CDH12: variants seen among roughly 807,000 people sequenced by gnomAD.
CDH12 encodes the protein cadherin 12, also known as cadherin-12.
A neutral mutation model predicts 74.1 loss-of-function variants in CDH12; 41 were observed. The observed-to-expected ratio is 0.55, with a 90% CI of 0.43 to 0.72. CDH12 has a LOEUF of 0.72. CDH12 is among the 30% of genes least tolerant of loss of function. The pLI is 0.00. For missense variants in CDH12, 945 were observed against 977.2 expected, an observed-to-expected ratio of 0.97 and a Z score of 0.44; for synonymous variants, 399 against 355.0, an observed-to-expected ratio of 1.12 and a Z score of -1.39.
At chr5:21,778,466 CAAAA>C (rs70957061) in intron 11 of CDH12, among the ~76,000 whole-genome samples, 1 of 52,614 alleles carries the variant, frequency 1.9e-5, no homozygotes, top group African/African-American at 8.6e-5. Flanking sequence ...GCATATAAGC[CAAAA>C]AAAAAAAAAA....
At chr5:22,435,486 A>ATG (rs1236143163) in intron 2 of CDH12, among the ~76,000 whole-genome samples, 1 of 121,114 alleles carries the variant, frequency 8.3e-6, no homozygotes, top group Non-Finnish European at 1.7e-5. Context: ...ATATATATGT[A>ATG]TGTGTATATA....
chr5:22,675,264 G>A (rs549530906), intron 1 of CDH12, among the ~76,000 whole-genome samples: 1 of 152,286 alleles, frequency 6.6e-6, no homozygotes, highest in East Asian at 1.9e-4. Flanking sequence ...GACTAAAAGG[G>A]CCAACGTATA....
At chr5:22,821,517 G>T (rs895556577) in intron 1 of CDH12, among the ~76,000 whole-genome samples, 1 of 152,164 alleles carries the variant, frequency 6.6e-6, no homozygotes, top group African/African-American at 2.4e-5. Flanking sequence ...TCCTTTAGCT[G>T]ATAAGCAACT....
intron 1 of CDH12, among the ~76,000 whole-genome samples, chr5:22,816,859 C>A (rs1161896801): frequency 6.6e-6 from 1 of 152,104 alleles, no homozygotes; most frequent in African/African-American, 2.4e-5. Flanking sequence ...ATATAAAAAA[C>A]CAGCATATCT....
At chr5:22,136,013 C>G (rs891204974) in intron 4 of CDH12, among the ~76,000 whole-genome samples, 1 of 151,918 alleles carries the variant, frequency 6.6e-6, no homozygotes, top group East Asian at 1.9e-4. Context: ...TTTTCTCAAA[C>G]ACTTTGGAAT....
chr5:22,135,322 G>A (rs1286506995), intron 4 of CDH12, among the ~76,000 whole-genome samples: 1 of 151,266 alleles, frequency 6.6e-6, no homozygotes, highest in Admixed American at 6.6e-5. Context: ...AAAATGACTA[G>A]GTCCATTTTT....
At chr5:22,251,265 G>A (rs1442561399) in intron 3 of CDH12, among the ~76,000 whole-genome samples, 1 of 152,194 alleles carries the variant, frequency 6.6e-6, no homozygotes, top group African/African-American at 2.4e-5. Context: ...GGAAGGATCA[G>A]CTGATGGACA....
At chr5:22,710,285 A>G (rs1349813992) in intron 1 of CDH12, among the ~76,000 whole-genome samples, 1 of 152,204 alleles carries the variant, frequency 6.6e-6, no homozygotes, top group African/African-American at 2.4e-5. Flanking sequence ...TTCTAAATAT[A>G]CAGTTAGGAG....
intron 4 of CDH12, among the ~76,000 whole-genome samples, chr5:22,142,157 C>G (rs958488746): frequency 7.2e-5 from 11 of 152,078 alleles, no homozygotes; most frequent in Non-Finnish European, 1.2e-4. Context: ...AGATAGGCAA[C>G]TAGAGATGAC....
chr5:21,974,797 CA>C (rs1261095592), intron 6 of CDH12, among the ~76,000 whole-genome samples: 1 of 152,062 alleles, frequency 6.6e-6, no homozygotes, highest in Admixed American at 6.6e-5. Flanking sequence ...ATTGAGATAA[CA>C]ATCAATTTCA....
At chr5:22,097,636 T>C (rs1357144677) in intron 4 of CDH12, among the ~76,000 whole-genome samples, 5 of 152,104 alleles carry the variant, frequency 3.3e-5, no homozygotes, top group African/African-American at 1.2e-4. Flanking sequence ...CTTCCCTGAC[T>C]GTTCTTGGGC....
chr5:22,305,668 C>T (rs1405126601), intron 3 of CDH12, among the ~76,000 whole-genome samples: 2 of 152,122 alleles, frequency 1.3e-5, no homozygotes, highest in Non-Finnish European at 2.9e-5. Flanking sequence ...GAACTCACAG[C>T]TGCACTGTGA....
chr5:21,916,782 C>T (rs182292417), intron 6 of CDH12, among the ~76,000 whole-genome samples: 340 of 152,284 alleles, frequency 2.2e-3, no homozygotes, highest in Non-Finnish European at 3.5e-3. Context: ...CCAAGGAATG[C>T]GTCTCTCAGC....
chr5:21,993,866 A>G lies in CDH12; in HGVS notation c.232-18481T>C, dbSNP rs1471210719. ...AGCAATAGAATACTAGTACAGATAAATACTGAAATCTAATATTTGCATTAC... is the reference window on the plus strand; with the variant it reads ...AGCAATAGAATACTAGTACAGATAAGTACTGAAATCTAATATTTGCATTAC... On this transcript the variant is annotated intron_variant, in intron 5 of 14. Coordinates refer to ENST00000382254, the MANE Select transcript of CDH12 (RefSeq NM_004061.5). 2.0e-5 allele frequency among the ~76,000 whole-genome samples: 3 copies of G among 152,296 alleles called. No homozygotes were observed. The East Asian group carries it at 5.8e-4, about 29-fold the overall frequency.
At chr5:21,842,478 C>CA in intron 7 of CDH12, 150 bp from the exon 8 acceptor site, 1 of 562,088 alleles carries the variant, frequency 1.8e-6, no homozygotes, top group Non-Finnish European at 3.0e-6. Context: ...GTGAGACATT[C>CA]AAAATGTCCA....
At chr5:22,232,334 C>A (rs748587115) in intron 3 of CDH12, among the ~76,000 whole-genome samples, 6 of 151,724 alleles carry the variant, frequency 4.0e-5, no homozygotes, top group Non-Finnish European at 5.9e-5. Context: ...CTTAGATGAG[C>A]TTGAAAGTAA....
chr5:22,333,844 A>G (rs1431155426), intron 3 of CDH12, among the ~76,000 whole-genome samples: 1 of 152,250 alleles, frequency 6.6e-6, no homozygotes, highest in Non-Finnish European at 1.5e-5. Flanking sequence ...AAATAAATCC[A>G]TGTGGTACAT....
At chr5:22,565,981 T>A (rs866440286) in intron 1 of CDH12, among the ~76,000 whole-genome samples, 1 of 152,316 alleles carries the variant, frequency 6.6e-6, no homozygotes, top group Middle Eastern at 3.4e-3. Flanking sequence ...GGAAGCCGAT[T>A]TCTAAATTTC....
At chr5:22,236,513 A>T (rs1039057532) in intron 3 of CDH12, among the ~76,000 whole-genome samples, 5 of 152,152 alleles carry the variant, frequency 3.3e-5, no homozygotes, top group African/African-American at 1.2e-4. Context: ...TGGGCAGATC[A>T]CTTAAGGTCA....
Sources: gnomAD v4.1 joint callset for allele counts (sites outside exome capture counted in the v4.1 genomes callset) on GRCh38, gnomAD v4.1.1 for gene constraint, MANE v1.5 for transcripts, NCBI Gene and HGNC (gene_info 2026-07-23, HGNC 2026-07-21) for gene names.